APBB3: variants seen among roughly 807,000 people sequenced by gnomAD.
The protein encoded by APBB3 is amyloid beta precursor protein binding family B member 3, also known as amyloid-beta A4 precursor protein-binding family B member 3.
A neutral mutation model predicts 61.5 loss-of-function variants in APBB3; 50 were observed. That is an observed-to-expected ratio of 0.81 (90% confidence interval 0.65 to 1.03). APBB3 has a LOEUF of 1.03. Ranked by LOEUF, APBB3 falls within the 50% of genes least tolerant of loss-of-function variation. The probability of loss-of-function intolerance (pLI) is 0.00; values close to 1 mark genes in which losing one functional copy is unlikely to be tolerated. For missense variants in APBB3, 550 were observed against 637.4 expected, an observed-to-expected ratio of 0.86 and a Z score of 1.48; for synonymous variants, 235 against 233.0, an observed-to-expected ratio of 1.01 and a Z score of -0.08.
rs1385976636 is a variant in APBB3 at position 140,560,567 on chromosome 5, G to T, written c.1033-63C>A. 22 of 1,605,516 alleles carry T rather than the reference G, an allele frequency of 1.4e-5. No individual in the cohort carries two copies. Among genetic ancestry groups the T allele is most frequent in the Non-Finnish European group, 1.8e-5 (21 of 1,174,060 alleles). ...CGGGCCAGACCCACTTAACTTTTCC[G>T]ACAGCAAGCAGTGACCCCTCAGCAT... On this transcript the variant is annotated intron_variant, in intron 11 of 12. Coordinates refer to ENST00000357560, the MANE Select transcript of APBB3 (RefSeq NM_133173.3). The surrounding 1 kb of genome is among the most constrained non-coding windows in gnomAD (Gnocchi z 5.1).
chr5:140,564,236 T>C lies in APBB3; in HGVS notation c.10A>G (p.Lys4Glu). The C allele has an allele frequency of 6.2e-7, 1 of 1,612,594 alleles. No homozygotes were observed. Among genetic ancestry groups the C allele is most frequent in the Non-Finnish European group, 8.5e-7 (1 of 1,180,022 alleles). Residue 4 changes from lysine to glutamate, a missense_variant, in exon 1 of 13, where the codon AAG (lysine) becomes GAG (glutamate). Physicochemically the swap from Lys to Glu is moderately conservative, Grantham distance 56. Transcript: ENST00000357560. This position sits in a 1 kb window ranked among gnomAD's most constrained non-coding sequence, Gnocchi z 5.0. ...AGAATGATGGCCAGCATGTAATCCT[T>C]GCCCAGCATAACCCCGGCTGCTCCC... is the stretch of plus-strand genomic sequence containing the variant. MLG[K>E]DYMLAIILVN...
intron 3 of APBB3, chr5:140,562,962 G>C: frequency 3.8e-6 from 2 of 532,772 alleles, no homozygotes; most frequent in Non-Finnish European, 6.7e-6. Context: ...AAAGTCACAA[G>C]GCTAGGTGCA....
Position 140,564,148 on chromosome 5 carries a change from T to A in APBB3, c.49+49A>T. ...CCCCAGAGTAGCCTTTCGGATTCCC[T>A]CGTCCTCCCTCAGCTCCTGGTCTTC... On this transcript the variant is annotated intron_variant, in intron 1 of 12. Transcript: ENST00000357560. The surrounding 1 kb of genome is among the most constrained non-coding windows in gnomAD (Gnocchi z 5.0). The A allele has an allele frequency of 6.2e-7, 1 of 1,612,832 alleles. No homozygotes were observed. Among genetic ancestry groups the A allele is most frequent in the Non-Finnish European group, 8.5e-7 (1 of 1,179,206 alleles).
Position 140,560,500 on chromosome 5 carries a change from T to C in APBB3, c.1037A>G (p.Glu346Gly). The C allele has an allele frequency of 1.2e-6, 2 of 1,612,970 alleles. No individual in the cohort carries two copies. The highest frequency in any genetic ancestry group is 2.7e-5 in the African/African-American group (2 of 75,020). Residue 346 changes from glutamate (E) to glycine (G), a missense_variant, in exon 12 of 13, where the codon GAG becomes GGG. Coordinates refer to ENST00000357560, the MANE Select transcript of APBB3 (RefSeq NM_133173.3). This position sits in a 1 kb window ranked among gnomAD's most constrained non-coding sequence, Gnocchi z 5.1. ...CAATGGCTCCTCCTCTGTACTGGCC[T>C]CTGCCTGCCCACACCAGGCCTAGTC... ...SLMTAHPIQA[E>G]ASTEEEPLWQ...
In APBB3 at chr5:140,560,746, C is replaced by T. The variant is rs756401741; in HGVS notation, c.925G>A (p.Val309Met). ...AGGGTACCAATGGCCTCGTTCAGCACATCCATGCCTGGGGGAACATACCCA... is the reference window on the plus strand; with the variant it reads ...AGGGTACCAATGGCCTCGTTCAGCATATCCATGCCTGGGGGAACATACCCA... The part of the protein sequence containing the change: ...LPVTKAMGMD[V>M]LNEAIGTLTA... Residue 309 changes from valine (V) to methionine (M), a missense_variant, in exon 11 of 13, where the codon GTG becomes ATG. Around this residue, in one of 3 missense-constraint regions of APBB3, gnomAD observed 405 missense variants for 483.4 expected, o/e 0.84. Coordinates refer to ENST00000357560, the MANE Select transcript of APBB3 (RefSeq NM_133173.3). This position sits in a 1 kb window ranked among gnomAD's most constrained non-coding sequence, Gnocchi z 5.1. 2 of 1,614,044 alleles carry T rather than the reference C, an allele frequency of 1.2e-6. No individual in the cohort carries two copies. The highest frequency in any genetic ancestry group is 1.7e-6 in the Non-Finnish European group (2 of 1,179,948).
rs1396777595 is a variant in APBB3, at chr5:140,558,415, C to A, written c.*170G>T. The A allele has an allele frequency of 1.3e-6, 1 of 779,484 alleles. No homozygotes were observed. Among genetic ancestry groups the A allele is most frequent in the African/African-American group, 1.7e-5 (1 of 57,608 alleles). 48.3% of individuals were successfully genotyped at this position (779,484 alleles called of 1,614,324 possible). ...GTCCTACGTTGTGGTGCAGTGCCTC[C>A]CAGTCATCCGTATAAACAATAAATT... On this transcript the variant is annotated 3_prime_UTR_variant, in exon 13 of 13. Coordinates refer to ENST00000357560, the MANE Select transcript of APBB3 (RefSeq NM_133173.3).
At position 140,564,025 on chromosome 5, in the gene APBB3, A is replaced by G. The variant is rs1755094049; in HGVS notation, c.50-110T>C. 4.4e-5 allele frequency: 66 copies of G among 1,483,960 alleles called. No individual in the cohort carries two copies. The South Asian group carries it at 8.0e-4, about 18-fold the overall frequency. 91.9% of individuals were successfully genotyped at this position (1,483,960 alleles called of 1,614,324 possible). A position where few individuals can be genotyped will look rare whatever the true frequency, so the allele number is the denominator to read the frequency against. ...CAAAATGGGTCAGTTCTTAGGCTGAAGATCCAGGCTCCTCAATCTTGAAGA... is the reference window on the plus strand; with the variant it reads ...CAAAATGGGTCAGTTCTTAGGCTGAGGATCCAGGCTCCTCAATCTTGAAGA... On this transcript the variant is annotated intron_variant, in intron 1 of 12. Coordinates refer to ENST00000357560, the MANE Select transcript of APBB3 (RefSeq NM_133173.3). This position sits in a 1 kb window ranked among gnomAD's most constrained non-coding sequence, Gnocchi z 5.0.
rs201846062 is a variant in APBB3 at position 140,560,649 on chromosome 5, T to A, written c.1022A>T (p.His341Leu). Residue 341 changes from histidine (H) to leucine (L), a missense_variant, in exon 11 of 13, where the codon CAC becomes CTC. Physicochemically the swap from His to Leu is moderately conservative, Grantham distance 99. Coordinates refer to ENST00000357560, the MANE Select transcript of APBB3 (RefSeq NM_133173.3). The surrounding 1 kb of genome is among the most constrained non-coding windows in gnomAD (Gnocchi z 5.1). ...ACCCTCTTCTGGTACCTGAATGGGGTGTGCAGTCATGAGAGAGTCAGACAC... is the reference window on the plus strand; with the variant it reads ...ACCCTCTTCTGGTACCTGAATGGGGAGTGCAGTCATGAGAGAGTCAGACAC... ...LSVSDSLMTA[H>L]PIQAEASTEE... 1 of 1,613,988 alleles carries A rather than the reference T, an allele frequency of 6.2e-7. No individual in the cohort carries two copies. Among genetic ancestry groups the A allele is most frequent in the Non-Finnish European group, 8.5e-7 (1 of 1,179,966 alleles).
rs1246530952 is a variant in APBB3, at chr5:140,564,220, G to T, written c.26C>A (p.Ala9Asp). 1 of 1,613,508 alleles carries T rather than the reference G, an allele frequency of 6.2e-7. No individual in the cohort carries two copies. The highest frequency in any genetic ancestry group is 1.1e-5 in the South Asian group (1 of 91,082). The change falls in exon 1 of 13, where the codon GCC becomes GAC. Residue 9 changes from alanine (A) to aspartate (D), a missense_variant. Transcript: ENST00000357560. This position sits in a 1 kb window ranked among gnomAD's most constrained non-coding sequence, Gnocchi z 5.0. Reference protein sequence around the residue: MLGKDYMLAIILVNCDDDL... With the variant: MLGKDYMLDIILVNCDDDL... ...ACCATCGCAGTTGACCAGAATGATG[G>T]CCAGCATGTAATCCTTGCCCAGCAT...
In APBB3 at chr5:140,560,189, C is replaced by T. The variant is rs1754881268; in HGVS notation, c.1224+124G>A. 2 of 1,105,382 alleles carry T rather than the reference C, an allele frequency of 1.8e-6. No homozygotes were observed. The highest frequency in any genetic ancestry group is 2.6e-6 in the Non-Finnish European group (2 of 779,088). The allele number at this position is 1,105,382 out of a possible 1,614,324, so 68.5% of individuals were successfully genotyped here. A position where few individuals can be genotyped will look rare whatever the true frequency, so the allele number is the denominator to read the frequency against. ...ACTAAAAACAACATGAGGGCCAAAA[C>T]ATTAATGAACCAGAATCAGCCCAGG... On this transcript the variant is annotated intron_variant, in intron 12 of 12. Coordinates refer to ENST00000357560, the MANE Select transcript of APBB3 (RefSeq NM_133173.3). The surrounding 1 kb of genome is among the most constrained non-coding windows in gnomAD (Gnocchi z 5.1).
chr5:140,562,690 G>A lies in APBB3; in HGVS notation c.324C>T (p.Tyr108=), dbSNP rs1481072320. ...TAGCCCCTGGCTCCATGCTCTGGAT[G>A]TAGGATTCCCCACCATACCAGGACA... ...NSLSWYGGES[Y]IQSMEPGAKC... is the part of the protein sequence containing the mutation. Residue 108 remains tyrosine (Y), a synonymous_variant, in exon 4 of 13, where the codon TAC becomes TAT. Coordinates refer to ENST00000357560, the MANE Select transcript of APBB3 (RefSeq NM_133173.3). The A allele has an allele frequency of 2.5e-6, 4 of 1,614,218 alleles. No individual in the cohort carries two copies. Among genetic ancestry groups the A allele is most frequent in the Non-Finnish European group, 3.4e-6 (4 of 1,180,038 alleles).
chr5:140,561,775 G>T, intron 7 of APBB3, 69 bp downstream of exon 7: 1 of 1,614,052 alleles, frequency 6.2e-7, no homozygotes, highest in East Asian at 2.2e-5. Flanking sequence ...GGAAAGTCAG[G>T]CTAGGGATAT....
In APBB3 at chr5:140,563,961, G is replaced by C. The variant is rs753654094; in HGVS notation, c.50-46C>G. 8.1e-6 allele frequency: 13 copies of C among 1,599,142 alleles called. No individual in the cohort carries two copies. In the Admixed American group the frequency reaches 2.2e-4, roughly 27 times the overall value. ...AGAGGAGGGAGCATATGATTTGTGA[G>C]TTCAGAATAACATGCTGTCATAATC... is the stretch of plus-strand genomic sequence containing the variant. On this transcript the variant is annotated intron_variant, in intron 1 of 12. Transcript: ENST00000357560.
At position 140,562,464 on chromosome 5, in the gene APBB3, T is replaced by A. The variant is rs1200705682; in HGVS notation, c.387A>T (p.Val129=). 6.2e-7 allele frequency: 1 copy of A among 1,614,012 alleles called. No individual in the cohort carries two copies. The highest frequency in any genetic ancestry group is 8.5e-7 in the Non-Finnish European group (1 of 1,180,034). The change falls in exon 5 of 13, where the codon GTA becomes GTT. Residue 129 remains valine (V), a synonymous_variant. Transcript: ENST00000357560. ...TCCCCGGTGCCAGGTCCTCTTCAGGTACCTCTACCCAGCCCAGAGAGCGGA... is the reference window on the plus strand; with the variant it reads ...TCCCCGGTGCCAGGTCCTCTTCAGGAACCTCTACCCAGCCCAGAGAGCGGA... ...FAVRSLGWVE[V]PEEDLAPGKS...
At position 140,562,703 on chromosome 5, in the gene APBB3, C is replaced by T; in HGVS notation, c.311G>A (p.Gly104Asp). Residue 104 changes from glycine to aspartate, a missense_variant, in exon 4 of 13, where the codon GGT becomes GAT. This residue lies in a region of APBB3 where 405 missense variants were observed against 483.4 expected (regional missense o/e 0.84). Transcript: ENST00000357560. Reference protein sequence around the residue: ...LDRSNSLSWYGGESYIQSMEP... With the variant: ...LDRSNSLSWYDGESYIQSMEP... Reference sequence around the variant, plus strand: ...CATGCTCTGGATGTAGGATTCCCCACCATACCAGGACAGAGAGTTACTGAA... The same window carrying T: ...CATGCTCTGGATGTAGGATTCCCCATCATACCAGGACAGAGAGTTACTGAA... 6.2e-7 allele frequency: 1 copy of T among 1,614,216 alleles called. No individual in the cohort carries two copies. The highest frequency in any genetic ancestry group is 8.5e-7 in the Non-Finnish European group (1 of 1,180,046).
chr5:140,564,101 G>A lies in APBB3; in HGVS notation c.49+96C>T. 2 of 1,558,140 alleles carry A rather than the reference G, an allele frequency of 1.3e-6. No individual in the cohort carries two copies. Among genetic ancestry groups the A allele is most frequent in the Non-Finnish European group, 8.8e-7 (1 of 1,137,962 alleles). Reference sequence around the variant, plus strand: ...TCGCCCCCTGGTCCCTACACAGAGAGGTATCCCCCACCGTCTTTGAGCCCC... The same window carrying A: ...TCGCCCCCTGGTCCCTACACAGAGAAGTATCCCCCACCGTCTTTGAGCCCC... On this transcript the variant is annotated intron_variant, in intron 1 of 12. Coordinates refer to ENST00000357560, the MANE Select transcript of APBB3 (RefSeq NM_133173.3). The surrounding 1 kb of genome is among the most constrained non-coding windows in gnomAD (Gnocchi z 5.0).
chr5:140,564,023 G>A lies in APBB3; in HGVS notation c.50-108C>T. 4 of 1,486,640 alleles carry A rather than the reference G, an allele frequency of 2.7e-6. No homozygotes were observed. The highest frequency in any genetic ancestry group is 2.7e-6 in the Non-Finnish European group (3 of 1,099,576). The allele number at this position is 1,486,640 out of a possible 1,614,324, so 92.1% of individuals were successfully genotyped here. On this transcript the variant is annotated intron_variant, in intron 1 of 12. Coordinates refer to ENST00000357560, the MANE Select transcript of APBB3 (RefSeq NM_133173.3). This position sits in a 1 kb window ranked among gnomAD's most constrained non-coding sequence, Gnocchi z 5.0. ...CCCAAAATGGGTCAGTTCTTAGGCT[G>A]AAGATCCAGGCTCCTCAATCTTGAA...
In APBB3 at chr5:140,558,622, G is replaced by A; in HGVS notation, c.1424C>T (p.Ala475Val). The change falls in exon 13 of 13, where the codon GCC becomes GTC. Residue 475 changes from alanine to valine, a missense_variant. Coordinates refer to ENST00000357560, the MANE Select transcript of APBB3 (RefSeq NM_133173.3). ...RKRGVFSFLDAFRLKPSLLHM... is the reference protein window; with the variant it reads ...RKRGVFSFLDVFRLKPSLLHM... ...GAGCAGAGAGGGTTTCAGCCGGAAG[G>A]CATCAAGAAAAGAGAAGACACCCCG... is the stretch of plus-strand genomic sequence containing the variant. 1 of 1,614,186 alleles carries A rather than the reference G, an allele frequency of 6.2e-7. No individual in the cohort carries two copies.
At chr5:140,562,550 C>A in intron 4 of APBB3, 51 bp from the exon 5 acceptor site, 1 of 1,609,946 alleles carries the variant, frequency 6.2e-7, no homozygotes, top group Non-Finnish European at 8.5e-7. Flanking sequence ...AGTAGGGTGG[C>A]AGGTGCCACA....
Sources: allele counts gnomAD v4.1 joint callset, GRCh38; gene constraint gnomAD v4.1.1; regional missense constraint gnomAD v4.1.1; non-coding constraint Gnocchi (gnomAD v3.1); transcripts MANE v1.5; gene names NCBI Gene and HGNC (gene_info 2026-07-23, HGNC 2026-07-21).